CATSPERE: variants seen among roughly 807,000 people sequenced by gnomAD.
CATSPERE encodes catsper channel auxiliary subunit epsilon.
In CATSPERE, 93 loss-of-function variants were observed where a neutral mutation model predicts 114.1. That is an observed-to-expected ratio of 0.81 (90% CI 0.69 to 0.97). The LOEUF is 0.97. Ranked by LOEUF, CATSPERE falls within the 50% of genes least tolerant of loss-of-function variation. CATSPERE has a pLI of 0.00. For synonymous variants in CATSPERE, 341 were observed against 384.1 expected (o/e 0.89, Z 1.31); for missense variants, 1,058 against 1,131.6 (o/e 0.93, Z 0.93).
At chr1:244,588,847 T>C (rs1667363795) in intron 14 of CATSPERE, among the ~76,000 whole-genome samples, 1 of 152,224 alleles carries the variant, frequency 6.6e-6, no homozygotes, top group East Asian at 1.9e-4. Flanking sequence ...CTACGGCTCA[T>C]TCCCAGAAAA....
At chr1:244,451,350 G>T (rs1014168531), upstream of CATSPERE, among the ~76,000 whole-genome samples, 8 of 152,140 alleles carry the variant, frequency 5.3e-5, no homozygotes, top group Non-Finnish European at 1.2e-4. This position sits in a 1 kb window ranked among gnomAD's most constrained non-coding sequence, Gnocchi z 6.6. Flanking sequence ...CTCGCCAGAC[G>T]CAAAACTGCA....
intron 17 of CATSPERE, among the ~76,000 whole-genome samples, chr1:244,602,454 A>G (rs1052897941): frequency 5.9e-5 from 9 of 152,194 alleles, no homozygotes; most frequent in Non-Finnish European, 1.2e-4. Context: ...AGGTCTCTGG[A>G]TTACAATAAA....
intron 10 of CATSPERE, among the ~76,000 whole-genome samples, chr1:244,569,507 C>A (rs1334711831): frequency 6.6e-6 from 1 of 152,174 alleles, no homozygotes; most frequent in Non-Finnish European, 1.5e-5. Flanking sequence ...TAGTGTGTAA[C>A]TTCCTGTAAC....
chr1:244,511,470 T>C (rs990407814), intron 7 of CATSPERE, among the ~76,000 whole-genome samples: 1 of 152,150 alleles, frequency 6.6e-6, no homozygotes, highest in Non-Finnish European at 1.5e-5. Flanking sequence ...ACATTCAAGG[T>C]TATTATTTAT....
chr1:244,452,911 G>A (rs1665744305), upstream of CATSPERE, among the ~76,000 whole-genome samples: 1 of 152,124 alleles, frequency 6.6e-6, no homozygotes, highest in Admixed American at 6.5e-5. Context: ...GTTTAATTCT[G>A]ATAAAAGGTG....
chr1:244,608,883 G>A (rs992496479), intron 18 of CATSPERE, among the ~76,000 whole-genome samples: 10 of 152,064 alleles, frequency 6.6e-5, no homozygotes, highest in African/African-American at 1.2e-4. Context: ...ATCCATGCCT[G>A]TGTCTGAGTT....
rs570003540 is a variant in CATSPERE, at chr1:244,524,907, C to G, written c.536+6209C>G. Among the ~76,000 whole-genome samples the G allele has an allele frequency of 2.0e-3, 289 of 147,142 alleles. 2 individuals carry two copies. The highest frequency in any genetic ancestry group is 5.5e-3 in the African/African-American group (205 of 37,474). ...CTGTTGGTGGGACTGTAAACTAGTTCAACCATTGTGGAAGTCAGTGTGGCG... is the reference window on the plus strand; with the variant it reads ...CTGTTGGTGGGACTGTAAACTAGTTGAACCATTGTGGAAGTCAGTGTGGCG... On this transcript the variant is annotated intron_variant, in intron 8 of 21. Transcript: ENST00000366534.
At chr1:244,600,497 T>G (rs139742339) in intron 17 of CATSPERE, among the ~76,000 whole-genome samples, 1 of 152,276 alleles carries the variant, frequency 6.6e-6, no homozygotes, top group East Asian at 1.9e-4. Flanking sequence ...ACCAAAATGT[T>G]CACCTCAGGC....
intron 8 of CATSPERE, among the ~76,000 whole-genome samples, chr1:244,528,785 C>CCACACACGCACGCGCACACACACA (rs749801424): frequency 1.5e-5 from 2 of 130,536 alleles, no homozygotes; most frequent in African/African-American, 5.9e-5. Flanking sequence ...CAATCCCCCA[C>CCACACACGCACGCGCACACACACA]CACACACACA....
chr1:244,467,379 A>G (rs561793598), intron 2 of CATSPERE, among the ~76,000 whole-genome samples: 1 of 152,308 alleles, frequency 6.6e-6, no homozygotes, highest in African/African-American at 2.4e-5. Context: ...AACTTATGAA[A>G]AATTAGTGAA....
At chr1:244,569,051 A>G (rs1011975860) in intron 10 of CATSPERE, among the ~76,000 whole-genome samples, 2 of 151,926 alleles carry the variant, frequency 1.3e-5, no homozygotes, top group African/African-American at 4.8e-5. Flanking sequence ...TGGGTTCCTC[A>G]TGGAGGAACC....
chr1:244,525,517 AAAAG>A (rs775663179), intron 8 of CATSPERE, among the ~76,000 whole-genome samples: 2 of 152,028 alleles, frequency 1.3e-5, no homozygotes, highest in Middle Eastern at 3.4e-3. Flanking sequence ...AATAAAATAA[AAAAG>A]AAAGTCATTG....
In CATSPERE at chr1:244,633,127, C is replaced by T. The variant is rs924459922; in HGVS notation, c.2649-2362C>T. Among the ~76,000 whole-genome samples the T allele has an allele frequency of 4.6e-5, 7 of 152,226 alleles. No individual in the cohort carries two copies. Among genetic ancestry groups the T allele is most frequent in the East Asian group, 1.9e-4 (1 of 5,182 alleles). On this transcript the variant is annotated intron_variant, in intron 20 of 21. Transcript: ENST00000366534. This position sits in a 1 kb window ranked among gnomAD's most constrained non-coding sequence, Gnocchi z 4.1. The stretch of plus-strand genomic sequence containing the variant: ...AGCTTCAAAATACATGAAACAAAAA[C>T]GGATAGAACTAAACAGAGAAACAGA...
intron 8 of CATSPERE, among the ~76,000 whole-genome samples, chr1:244,520,979 A>G (rs1677444710): frequency 6.6e-6 from 1 of 152,230 alleles, no homozygotes; most frequent in Non-Finnish European, 1.5e-5. Context: ...TTCAGGCAAG[A>G]GCTATATAAG....
At chr1:244,600,404 T>C (rs889039038) in intron 17 of CATSPERE, among the ~76,000 whole-genome samples, 2 of 149,798 alleles carry the variant, frequency 1.3e-5, no homozygotes, top group African/African-American at 4.9e-5. Flanking sequence ...ACTCTGCTAA[T>C]GCCCAGGTCA....
chr1:244,619,619 C>T (rs1389144268), intron 20 of CATSPERE, among the ~76,000 whole-genome samples: 1 of 152,114 alleles, frequency 6.6e-6, no homozygotes, highest in African/African-American at 2.4e-5. Context: ...GAATACTTCC[C>T]CACAAGTAAG....
At chr1:244,497,877 G>A (rs1330348976) in intron 6 of CATSPERE, among the ~76,000 whole-genome samples, 3 of 152,058 alleles carry the variant, frequency 2.0e-5, no homozygotes, top group African/African-American at 7.2e-5. Flanking sequence ...ATCAATGTAT[G>A]ACAAAACCTG....
Position 244,573,326 on chromosome 1 carries a change from G to C in CATSPERE, c.1950+554G>C, listed in dbSNP as rs1358803659. Among the ~76,000 whole-genome samples the C allele has an allele frequency of 1.3e-5, 2 of 152,070 alleles. No homozygotes were observed. The highest frequency in any genetic ancestry group is 4.8e-5 in the African/African-American group (2 of 41,398). On this transcript the variant is annotated intron_variant, in intron 11 of 21. Coordinates refer to ENST00000366534, the MANE Select transcript of CATSPERE (RefSeq NM_001130957.2). This position sits in a 1 kb window ranked among gnomAD's most constrained non-coding sequence, Gnocchi z 4.0. ...CTCGGGAGGCTGAGGCAGGAGAATG[G>C]TGTGAACCCAGGAGGTGGAGGTTGC...
chr1:244,549,639 G>T (rs948048978), intron 8 of CATSPERE, among the ~76,000 whole-genome samples: 1 of 152,108 alleles, frequency 6.6e-6, no homozygotes, highest in African/African-American at 2.4e-5. Context: ...TGCATTTTCA[G>T]TTGTTGTGCA....
Sources: gnomAD v4.1 joint callset for allele counts (sites outside exome capture counted in the v4.1 genomes callset) on GRCh38, gnomAD v4.1.1 for gene constraint, Gnocchi (gnomAD v3.1) non-coding constraint, MANE v1.5 for transcripts, NCBI Gene and HGNC (gene_info 2026-07-23, HGNC 2026-07-21) for gene names.